The following GRM1 variants were observed in gnomAD, a reference collection of about 807,000 sequenced individuals.
GRM1 encodes the protein glutamate metabotropic receptor 1, also known as metabotropic glutamate receptor 1.
In GRM1, 33 loss-of-function variants were observed where a neutral mutation model predicts 90.9. The observed-to-expected ratio is 0.36, with a 90% CI of 0.28 to 0.49. The LOEUF (loss-of-function observed/expected upper bound fraction) is 0.49, where lower values mean the gene tolerates loss of function less well. Among genes scored for constraint, GRM1 ranks in the 20% least tolerant of loss-of-function variants. The probability of loss-of-function intolerance (pLI) is 0.99; values close to 1 mark genes in which losing one functional copy is unlikely to be tolerated. For missense variants in GRM1, 1,190 were observed against 1,534.3 expected (o/e 0.78, Z 3.75); for synonymous variants, 700 against 613.2 (o/e 1.14, Z -2.09).
rs1201636676 is a variant in GRM1 at position 146,097,627 on chromosome 6, T to TC, written c.701-61714dup. Among the ~76,000 whole-genome samples the TC allele has an allele frequency of 4.6e-5, 7 of 152,118 alleles. No homozygotes were observed. The East Asian group carries it at 7.7e-4, about 17-fold the overall frequency. ...GTTCCAAATTACCTATCCAGTATCT[T>TC]CCCCCCCTACATTTTCCACAAAATG... On this transcript the variant is annotated intron_variant, in intron 1 of 7. Coordinates refer to ENST00000282753, the MANE Select transcript of GRM1 (RefSeq NM_001278064.2).
rs1778562290 is a variant in GRM1 at position 146,435,275 on chromosome 6, G to A, written c.*479G>A. On this transcript the variant is annotated 3_prime_UTR_variant, in exon 8 of 8. Transcript: ENST00000282753. ...GGTGGAGCCAGACAGAGCAGGTGCG[G>A]GGAAGGGAAGGGCCCAGGCCAGACC... 2 of 290,506 alleles carry A rather than the reference G, an allele frequency of 6.9e-6. No homozygotes were observed. Among genetic ancestry groups the A allele is most frequent in the Non-Finnish European group, 1.3e-5 (2 of 151,336 alleles). The allele number at this position is 290,506 out of a possible 1,614,324, so 18.0% of individuals were successfully genotyped here.
chr6:146,100,045 A>AT lies in GRM1; in HGVS notation c.701-59295dup, dbSNP rs567578661. 3.4e-3 allele frequency among the ~76,000 whole-genome samples: 511 copies of AT among 151,904 alleles called. 3 individuals carry two copies. Among genetic ancestry groups the AT allele is most frequent in the African/African-American group, 0.012 (488 of 41,410 alleles). Reference sequence around the variant, plus strand: ...ACCAACAACTTGTATTTACTTTTGCATTTTTTTTCCCAATCTTAAGAGTGT... The same window carrying AT: ...ACCAACAACTTGTATTTACTTTTGCATTTTTTTTTCCCAATCTTAAGAGTGT... On this transcript the variant is annotated intron_variant, in intron 1 of 7. Coordinates refer to ENST00000282753, the MANE Select transcript of GRM1 (RefSeq NM_001278064.2).
chr6:146,265,119 A>G (rs1781832182), intron 2 of GRM1, among the ~76,000 whole-genome samples: 1 of 152,186 alleles, frequency 6.6e-6, no homozygotes, highest in Non-Finnish European at 1.5e-5. Context: ...ACTGTTTTTC[A>G]TAGAGGTTAT....
chr6:146,063,028 C>T (rs1775727485), intron 1 of GRM1, among the ~76,000 whole-genome samples: 1 of 152,082 alleles, frequency 6.6e-6, no homozygotes, highest in Non-Finnish European at 1.5e-5. Context: ...TTGAGTGAGG[C>T]TAAGTCCAAT....
chr6:146,111,592 C>T (rs545900920), intron 1 of GRM1, among the ~76,000 whole-genome samples: 1 of 152,260 alleles, frequency 6.6e-6, no homozygotes, highest in South Asian at 2.1e-4. Flanking sequence ...ACTTGACTGA[C>T]GTGTAAAGCC....
intron 4 of GRM1, among the ~76,000 whole-genome samples, chr6:146,353,300 A>G (rs1785469936): frequency 6.6e-6 from 1 of 152,128 alleles, no homozygotes. Flanking sequence ...AAGAAGGAAA[A>G]AGGCCCTCAG....
At chr6:146,149,185 TG>T (rs1462405536) in intron 1 of GRM1, among the ~76,000 whole-genome samples, 1 of 152,154 alleles carries the variant, frequency 6.6e-6, no homozygotes, top group African/African-American at 2.4e-5. Context: ...TGACAGAGGC[TG>T]GATATAGATA....
intron 3 of GRM1, among the ~76,000 whole-genome samples, chr6:146,341,711 T>C (rs1025730426): frequency 5.9e-5 from 9 of 152,206 alleles, no homozygotes; most frequent in African/African-American, 2.4e-5. Flanking sequence ...AAACTCCGTA[T>C]GTTCCTCAAT....
chr6:146,314,177 C>T (rs1783878218), intron 3 of GRM1, among the ~76,000 whole-genome samples: 1 of 144,116 alleles, frequency 6.9e-6, no homozygotes, highest in Admixed American at 7.3e-5. Context: ...AGCGATTCTC[C>T]TGCCTCAATC....
intron 2 of GRM1, among the ~76,000 whole-genome samples, chr6:146,278,509 C>A (rs1782453222): frequency 6.6e-6 from 1 of 152,156 alleles, no homozygotes; most frequent in African/African-American, 2.4e-5. Flanking sequence ...GGCGTGATAG[C>A]TCACTCCTGT....
intron 3 of GRM1, among the ~76,000 whole-genome samples, chr6:146,316,758 G>A (rs1190644553): frequency 6.6e-6 from 1 of 151,834 alleles, no homozygotes; most frequent in Non-Finnish European, 1.5e-5. Context: ...GTCTTTTTGA[G>A]GGCCGGGGGA....
intron 6 of GRM1, among the ~76,000 whole-genome samples, chr6:146,389,779 A>G (rs1554305707): frequency 6.6e-6 from 1 of 152,200 alleles, no homozygotes; most frequent in Admixed American, 6.6e-5. Flanking sequence ...TGCAAATCTT[A>G]TCTTTAGGGT....
At chr6:146,116,540 C>T (rs982380821) in intron 1 of GRM1, among the ~76,000 whole-genome samples, 1 of 151,956 alleles carries the variant, frequency 6.6e-6, no homozygotes, top group African/African-American at 2.4e-5. Context: ...ATGTGTTTTT[C>T]ATAAGAGATA....
At chr6:146,324,361 A>G (rs777888594) in intron 3 of GRM1, among the ~76,000 whole-genome samples, 2 of 152,148 alleles carry the variant, frequency 1.3e-5, no homozygotes, top group South Asian at 2.1e-4. Flanking sequence ...AGCTAGACCA[A>G]TTGGCTCCCT....
chr6:146,311,143 G>A (rs1227807322), intron 3 of GRM1, among the ~76,000 whole-genome samples: 2 of 152,040 alleles, frequency 1.3e-5, no homozygotes, highest in East Asian at 1.9e-4. Flanking sequence ...GGATCTCGTC[G>A]AGCAAAGCCA....
intron 2 of GRM1, among the ~76,000 whole-genome samples, chr6:146,233,141 T>C (rs969919956): frequency 6.6e-6 from 1 of 152,106 alleles, no homozygotes; most frequent in Admixed American, 6.6e-5. Context: ...ATTATCTTCT[T>C]CTGTCTAATT....
chr6:146,203,342 TC>T (rs113230177), intron 2 of GRM1, among the ~76,000 whole-genome samples: 1 of 152,114 alleles, frequency 6.6e-6, no homozygotes, highest in African/African-American at 2.4e-5. Flanking sequence ...ATTCCCTCTG[TC>T]GGGGGTTCAT....
chr6:146,203,755 T>C (rs1317032878), intron 2 of GRM1, among the ~76,000 whole-genome samples: 1 of 152,190 alleles, frequency 6.6e-6, no homozygotes, highest in Non-Finnish European at 1.5e-5. Flanking sequence ...TTTTGGAAAC[T>C]CTGAAACTTG....
intron 2 of GRM1, among the ~76,000 whole-genome samples, chr6:146,252,823 G>GA (rs1384852272): frequency 6.6e-6 from 1 of 151,878 alleles, no homozygotes; most frequent in Non-Finnish European, 1.5e-5. Flanking sequence ...GCACTTTGGG[G>GA]GGCCGAGGCA....
Sources: allele counts gnomAD v4.1 joint callset (sites outside exome capture counted in the v4.1 genomes callset), GRCh38; gene constraint gnomAD v4.1.1; transcripts MANE v1.5; gene names NCBI Gene and HGNC (gene_info 2026-07-23, HGNC 2026-07-21).